The following DNAJC1 variants were observed in gnomAD, a reference collection of about 807,000 sequenced individuals.
DNAJC1 encodes the protein dnaJ homolog subfamily C member 1.
In DNAJC1, 58 loss-of-function variants were observed where a neutral mutation model predicts 76.6. That is an observed-to-expected ratio of 0.76 (90% CI 0.61 to 0.94). The LOEUF is 0.94. Among genes scored for constraint, DNAJC1 ranks in the 40% least tolerant of loss-of-function variants. The pLI is 0.00. For missense variants in DNAJC1, 689 were observed against 677.3 expected (o/e 1.02, Z -0.19); for synonymous variants, 258 against 267.9 (o/e 0.96, Z 0.36).
intron 8 of DNAJC1, among the ~76,000 whole-genome samples, chr10:21,830,880 T>C (rs1234874910): frequency 6.6e-6 from 1 of 152,192 alleles, no homozygotes; most frequent in African/African-American, 2.4e-5. Flanking sequence ...CAGTGAACAT[T>C]TCATTTCTAA....
At chr10:21,968,615 A>G (rs1037489503) in intron 1 of DNAJC1, among the ~76,000 whole-genome samples, 2 of 150,578 alleles carry the variant, frequency 1.3e-5, no homozygotes, top group Admixed American at 1.3e-4. Flanking sequence ...GGTTCACGCC[A>G]TTCTCCTGCC....
At chr10:21,759,136 C>T (rs1483830288) in intron 11 of DNAJC1, 34 bp downstream of exon 11, 2 of 1,582,226 alleles carry the variant, frequency 1.3e-6, no homozygotes, top group Non-Finnish European at 8.6e-7. Flanking sequence ...GGGATTCTAA[C>T]ACCTGTGCAG....
At chr10:21,939,770 G>C (rs1017342564) in intron 1 of DNAJC1, among the ~76,000 whole-genome samples, 45 of 152,108 alleles carry the variant, frequency 3.0e-4, no homozygotes, top group Admixed American at 9.2e-4. Flanking sequence ...AGCAGTACTT[G>C]ACTGTAATTC....
In DNAJC1 at chr10:21,778,653, C is replaced by T. The variant is rs1007129294; in HGVS notation, c.1099-12344G>A. Among the ~76,000 whole-genome samples, 4 of 152,316 alleles carry T rather than the reference C, an allele frequency of 2.6e-5. No individual in the cohort carries two copies. In the South Asian group the frequency reaches 6.2e-4, roughly 24 times the overall value. ...GCTGAATAGGAACAGCTCTAGTCTA[C>T]AGCTCCCAGTGTGAGCGACGGAGAA... On this transcript the variant is annotated intron_variant, in intron 9 of 11. Transcript: ENST00000376980.
chr10:21,858,018 T>C (rs1220900139), intron 8 of DNAJC1, among the ~76,000 whole-genome samples: 2 of 152,214 alleles, frequency 1.3e-5, no homozygotes, highest in South Asian at 2.1e-4. Context: ...TATACATATA[T>C]AACCACAGCT....
intron 9 of DNAJC1, among the ~76,000 whole-genome samples, chr10:21,805,585 A>C (rs1346757386): frequency 2.0e-5 from 3 of 152,064 alleles, no homozygotes; most frequent in African/African-American, 4.8e-5. Context: ...ATTAATCAGA[A>C]CCACCTGTCT....
intron 6 of DNAJC1, among the ~76,000 whole-genome samples, chr10:21,907,664 A>C (rs1564823688): frequency 6.6e-6 from 1 of 151,998 alleles, no homozygotes; most frequent in East Asian, 1.9e-4. Context: ...CCAGAGATGA[A>C]AGTTTTGACT....
chr10:21,856,716 T>C (rs1835838982), intron 8 of DNAJC1, among the ~76,000 whole-genome samples: 1 of 152,020 alleles, frequency 6.6e-6, no homozygotes, highest in Non-Finnish European at 1.5e-5. Context: ...TTTAAAAAAA[T>C]CACTAATGAC....
rs1168769484 is a variant in DNAJC1, at chr10:21,813,200, CTCTCTCTCTCTCTCTCTCTCTATA to C, written c.979-7125_979-7102del. 1.2e-4 allele frequency among the ~76,000 whole-genome samples: 10 copies of C among 81,388 alleles called. No homozygotes were observed. In the East Asian group the frequency reaches 2.0e-3, roughly 16 times the overall value. 53.4% of individuals were successfully genotyped at this position (81,388 alleles called of 152,430 possible). A position where few individuals can be genotyped will look rare whatever the true frequency, so the allele number is the denominator to read the frequency against. On this transcript the variant is annotated intron_variant, in intron 8 of 11. Transcript: ENST00000376980. ...CCTCTCTCTCTCTCTCTCTCTCTCT[CTCTCTCTCTCTCTCTCTCTCTATA>C]TATATATATATATATATATACACAT...
intron 8 of DNAJC1, among the ~76,000 whole-genome samples, chr10:21,841,267 C>T (rs575307267): frequency 6.6e-6 from 1 of 152,096 alleles, no homozygotes; most frequent in Non-Finnish European, 1.5e-5. Context: ...TCTAATTAAA[C>T]CTAAGAGCTT....
At chr10:21,902,814 T>C (rs1836680927) in intron 7 of DNAJC1, among the ~76,000 whole-genome samples, 1 of 152,224 alleles carries the variant, frequency 6.6e-6, no homozygotes, top group Admixed American at 6.5e-5. Flanking sequence ...AAAATTATAA[T>C]ATTTTTTTTA....
At chr10:21,956,801 C>A (rs1037721663) in intron 1 of DNAJC1, among the ~76,000 whole-genome samples, 8 of 138,382 alleles carry the variant, frequency 5.8e-5, no homozygotes, top group Admixed American at 1.5e-4. Context: ...AGTTAAAAGC[C>A]TCCAACAGTT....
At chr10:21,968,643 T>A (rs1837928068) in intron 1 of DNAJC1, among the ~76,000 whole-genome samples, 1 of 151,940 alleles carries the variant, frequency 6.6e-6, no homozygotes, top group Non-Finnish European at 1.5e-5. Flanking sequence ...CCCAAGTAGC[T>A]GAGACTACAA....
chr10:21,764,076 C>T (rs1834269707), intron 10 of DNAJC1, among the ~76,000 whole-genome samples: 1 of 152,050 alleles, frequency 6.6e-6, no homozygotes, highest in Non-Finnish European at 1.5e-5. Flanking sequence ...ATCCTGTCTA[C>T]CTCACTTTGG....
chr10:21,834,479 C>A lies in DNAJC1; in HGVS notation c.979-28380G>T, dbSNP rs551956298. On this transcript the variant is annotated intron_variant, in intron 8 of 11. Transcript: ENST00000376980. ...GGAGTACCAGACAGTAGGTGCAGGA[C>A]AGTAGGTGCAGCGCACCGTACGCGA... is the stretch of plus-strand genomic sequence containing the variant. Among the ~76,000 whole-genome samples, 3 of 152,286 alleles carry A rather than the reference C, an allele frequency of 2.0e-5. No homozygotes were observed. In the East Asian group the frequency reaches 5.8e-4, roughly 30 times the overall value.
chr10:21,830,830 CAAACATTTTTTAAAATGGTTTAA>C (rs1186292268), intron 8 of DNAJC1, among the ~76,000 whole-genome samples: 1 of 152,128 alleles, frequency 6.6e-6, no homozygotes, highest in Non-Finnish European at 1.5e-5. Context: ...AAGTTCAATT[CAAACATTTTTTAAAATGGTTTAA>C]CCAAAAACAA....
intron 6 of DNAJC1, among the ~76,000 whole-genome samples, chr10:21,917,085 C>A (rs1836969602): frequency 6.6e-6 from 1 of 151,774 alleles, no homozygotes; most frequent in Non-Finnish European, 1.5e-5. Flanking sequence ...CCAGCAGATA[C>A]CATCAAGTAA....
intron 8 of DNAJC1, among the ~76,000 whole-genome samples, chr10:21,863,209 C>T (rs1257724491): frequency 6.6e-6 from 1 of 151,400 alleles, no homozygotes; most frequent in Non-Finnish European, 1.5e-5. Flanking sequence ...CAATGACACA[C>T]AAAACTGAAA....
At chr10:21,831,961 G>A (rs1237266767) in intron 8 of DNAJC1, among the ~76,000 whole-genome samples, 1 of 152,022 alleles carries the variant, frequency 6.6e-6, no homozygotes, top group Non-Finnish European at 1.5e-5. Context: ...TAAAACTTAG[G>A]TGGATACCAT....
Sources: allele counts gnomAD v4.1 joint callset (sites outside exome capture counted in the v4.1 genomes callset), GRCh38; gene constraint gnomAD v4.1.1; transcripts MANE v1.5; gene names NCBI Gene and HGNC (gene_info 2026-07-23, HGNC 2026-07-21).